ADAMTSL1: variants seen among roughly 807,000 people sequenced by gnomAD.
ADAMTSL1 encodes the protein ADAMTS like 1, also known as ADAMTS-like protein 1.
A neutral mutation model predicts 201.8 loss-of-function variants in ADAMTSL1; 126 were observed. The observed-to-expected ratio is 0.62, with a 90% CI of 0.54 to 0.72. The LOEUF (loss-of-function observed/expected upper bound fraction) is 0.72, where lower values mean the gene tolerates loss of function less well. Ranked by LOEUF, ADAMTSL1 falls within the 30% of genes least tolerant of loss-of-function variation. ADAMTSL1 has a pLI of 0.00. For synonymous variants in ADAMTSL1, 1,121 were observed against 903.4 expected (o/e 1.24, Z -4.32); for missense variants, 2,679 against 2,277.8 (o/e 1.18, Z -3.59).
chr9:18,139,211 T>C (rs1483686842), intron 1 of ADAMTSL1, among the ~76,000 whole-genome samples: 2 of 152,158 alleles, frequency 1.3e-5, no homozygotes, highest in African/African-American at 4.8e-5. Context: ...GTCAATGTAG[T>C]TTCTGTGTTC....
chr9:18,513,628 C>T (rs1407204497), intron 2 of ADAMTSL1, among the ~76,000 whole-genome samples: 1 of 152,092 alleles, frequency 6.6e-6, no homozygotes, highest in Non-Finnish European at 1.5e-5. Flanking sequence ...AGTTTCAAGT[C>T]TTATATTTAA....
At chr9:18,002,903 A>C (rs1320797635) in intron 1 of ADAMTSL1, among the ~76,000 whole-genome samples, 2 of 152,050 alleles carry the variant, frequency 1.3e-5, no homozygotes, top group African/African-American at 4.8e-5. Flanking sequence ...GTATGTCCAA[A>C]GTCCATTCAC....
intron 2 of ADAMTSL1, among the ~76,000 whole-genome samples, chr9:18,447,506 G>A (rs1820237576): frequency 6.6e-6 from 1 of 152,148 alleles, no homozygotes; most frequent in South Asian, 2.1e-4. Context: ...CCTCAGTTCA[G>A]TATTTAAAAG....
At chr9:17,946,005 A>C (rs1827453652) in intron 1 of ADAMTSL1, among the ~76,000 whole-genome samples, 1 of 148,626 alleles carries the variant, frequency 6.7e-6, no homozygotes, top group Admixed American at 6.7e-5. Context: ...ACCACATGTG[A>C]TTTTTCTGTA....
At chr9:18,057,890 C>G (rs1318778089) in intron 1 of ADAMTSL1, among the ~76,000 whole-genome samples, 1 of 152,166 alleles carries the variant, frequency 6.6e-6, no homozygotes, top group Non-Finnish European at 1.5e-5. Context: ...TTTAGGTCTC[C>G]CTATTATCCA....
At chr9:18,885,346 T>C (rs1252428287) in intron 23 of ADAMTSL1, among the ~76,000 whole-genome samples, 1 of 152,234 alleles carries the variant, frequency 6.6e-6, no homozygotes, top group Non-Finnish European at 1.5e-5. Flanking sequence ...ACTGTTACAA[T>C]AGCAATTAAA....
rs185392939 is a variant in ADAMTSL1 at position 17,968,432 on chromosome 9, T to G, written c.87+61510T>G. ...ATGCTATAGAGAAGTGATTTCCCAA[T>G]TATCTGGTTAGTTCAGATGCTGTCT... On this transcript the variant is annotated intron_variant, in intron 1 of 29. Transcript: ENST00000680146. 1.5e-4 allele frequency among the ~76,000 whole-genome samples: 23 copies of G among 152,258 alleles called. No homozygotes were observed. In the East Asian group the frequency reaches 3.7e-3, roughly 24 times the overall value.
At chr9:18,656,358 A>G (rs895009234) in intron 7 of ADAMTSL1, among the ~76,000 whole-genome samples, 2 of 152,072 alleles carry the variant, frequency 1.3e-5, no homozygotes, top group African/African-American at 4.8e-5. Flanking sequence ...TTGGCCAGGC[A>G]CGGTGGCTCA....
intron 7 of ADAMTSL1, among the ~76,000 whole-genome samples, chr9:18,646,364 A>T (rs1012580309): frequency 1.3e-5 from 2 of 152,018 alleles, no homozygotes; most frequent in African/African-American, 4.8e-5. Context: ...CTCTTTTCCT[A>T]ATTGAATACC....
chr9:18,608,673 G>C (rs1464932765), intron 4 of ADAMTSL1, among the ~76,000 whole-genome samples: 1 of 152,088 alleles, frequency 6.6e-6, no homozygotes, highest in African/African-American at 2.4e-5. Flanking sequence ...GCTACCTCCA[G>C]CTACTTCCAA....
intron 26 of ADAMTSL1, among the ~76,000 whole-genome samples, chr9:18,904,434 A>G (rs565189426): frequency 6.6e-6 from 1 of 152,032 alleles, no homozygotes; most frequent in African/African-American, 2.4e-5. Flanking sequence ...GCACCACTGC[A>G]CTCTAGCCTG....
intron 23 of ADAMTSL1, among the ~76,000 whole-genome samples, chr9:18,839,886 GT>G (rs1447684393): frequency 3.4e-5 from 5 of 147,488 alleles, no homozygotes; most frequent in Admixed American, 6.7e-5. Context: ...GGGGTTCTTT[GT>G]TTTTTTCTTG....
intron 2 of ADAMTSL1, among the ~76,000 whole-genome samples, chr9:18,231,073 A>G (rs1035940266): frequency 5.3e-5 from 8 of 152,116 alleles, no homozygotes; most frequent in Non-Finnish European, 8.8e-5. Flanking sequence ...GGACGTCCCA[A>G]TACCTCAGAC....
At chr9:18,139,934 T>C (rs1826326886) in intron 1 of ADAMTSL1, among the ~76,000 whole-genome samples, 1 of 152,172 alleles carries the variant, frequency 6.6e-6, no homozygotes, top group African/African-American at 2.4e-5. Context: ...ATGAAATTTT[T>C]AGGTTCTGGA....
chr9:18,178,758 C>A (rs994275265), intron 2 of ADAMTSL1, among the ~76,000 whole-genome samples: 22 of 152,154 alleles, frequency 1.4e-4, no homozygotes, highest in Non-Finnish European at 2.5e-4. Context: ...CACCCCCAAG[C>A]AGGGGCAGAC....
At chr9:18,456,081 C>G (rs1043207252) in intron 2 of ADAMTSL1, among the ~76,000 whole-genome samples, 1 of 152,130 alleles carries the variant, frequency 6.6e-6, no homozygotes, top group Non-Finnish European at 1.5e-5. Context: ...TGGCTATGTC[C>G]TCACCAAGAT....
chr9:18,528,150 T>A (rs1819212092), intron 2 of ADAMTSL1, among the ~76,000 whole-genome samples: 1 of 152,176 alleles, frequency 6.6e-6, no homozygotes, highest in African/African-American at 2.4e-5. Context: ...AGTGCTGGGA[T>A]TACAGGCATG....
intron 1 of ADAMTSL1, among the ~76,000 whole-genome samples, chr9:17,939,872 T>A (rs1827164900): frequency 6.6e-6 from 1 of 152,080 alleles, no homozygotes; most frequent in Non-Finnish European, 1.5e-5. Flanking sequence ...TGAGAGGACA[T>A]GAAGGGGGGA....
chr9:17,976,009 T>C lies in ADAMTSL1; in HGVS notation c.87+69087T>C, dbSNP rs185512591. 1.4e-3 allele frequency among the ~76,000 whole-genome samples: 209 copies of C among 152,214 alleles called. No homozygotes were observed. The Middle Eastern group carries it at 0.017, about 12-fold the overall frequency. On this transcript the variant is annotated intron_variant, in intron 1 of 29. Transcript: ENST00000680146. ...CCCGACTGTGTATTCTTGGCAACTTTGTTGAAGATTACTTCACTGTATATG... is the reference window on the plus strand; with the variant it reads ...CCCGACTGTGTATTCTTGGCAACTTCGTTGAAGATTACTTCACTGTATATG...
Sources: allele counts gnomAD v4.1 joint callset (sites outside exome capture counted in the v4.1 genomes callset), GRCh38; gene constraint gnomAD v4.1.1; transcripts MANE v1.5; gene names NCBI Gene and HGNC (gene_info 2026-07-23, HGNC 2026-07-21).